The following NBPF14 variants were observed in gnomAD, a reference collection of about 807,000 sequenced individuals.
The protein encoded by NBPF14 is NBPF member 14.
In NBPF14, 104 loss-of-function variants were observed where a neutral mutation model predicts 91.2. That is an observed-to-expected ratio of 1.14 (90% CI 0.97 to 1.34). The LOEUF (loss-of-function observed/expected upper bound fraction) is 1.34. Ranked by LOEUF, NBPF14 falls within the 40% of genes most tolerant of loss-of-function variation. The pLI, the probability that NBPF14 is intolerant of heterozygous loss-of-function variation, is 0.00. For synonymous variants in NBPF14, 294 were observed against 303.8 expected, an observed-to-expected ratio of 0.97 and a Z score of 0.34; for missense variants, 908 against 783.0, an observed-to-expected ratio of 1.16 and a Z score of -1.91.
At chr1:148,534,438 G>A (rs1189898235) in intron 69 of NBPF14, among the ~76,000 whole-genome samples, 1 of 151,724 alleles carries the variant, frequency 6.6e-6, no homozygotes, top group Admixed American at 6.6e-5. Context: ...CAGGTCCAAT[G>A]TCATGAGAAT....
chr1:148,579,285 C>T (rs1660543037), intron 12 of NBPF14, 48 bp from the exon 13 acceptor site: 1 of 247,004 alleles, frequency 4.0e-6, no homozygotes, highest in Non-Finnish European at 7.1e-6. Flanking sequence ...AACCAACAGA[C>T]ATTAGACAAC....
At chr1:148,566,622 G>T (rs1425005651) in intron 28 of NBPF14, among the ~76,000 whole-genome samples, 3 of 140,728 alleles carry the variant, frequency 2.1e-5, no homozygotes, top group African/African-American at 7.7e-5. Flanking sequence ...GACACTCTGA[G>T]TTAGTGCCCT....
In NBPF14 at chr1:148,566,339, G is replaced by C. The variant is rs1184517690; in HGVS notation, c.3543-24C>G. ...GCCTGGAAAAGGAGGAAAAGGTAAA[G>C]AATAAGCCAGGGGAAATCAGACACA... On this transcript the variant is annotated intron_variant, in intron 28 of 70. Transcript: ENST00000619423. 2.0e-5 allele frequency: 15 copies of C among 765,406 alleles called. 2 individuals carry two copies. The highest frequency in any genetic ancestry group is 3.8e-5 in the African/African-American group (2 of 52,166). The allele number at this position is 765,406 out of a possible 1,614,324, so 47.4% of individuals were successfully genotyped here. A position where few individuals can be genotyped will look rare whatever the true frequency, so the allele number is the denominator to read the frequency against.
rs1484884197 is a variant in NBPF14 at position 148,566,477 on chromosome 1, G to C, written c.3543-162C>G. Among the ~76,000 whole-genome samples the C allele has an allele frequency of 3.5e-5, 5 of 141,172 alleles. No individual in the cohort carries two copies. The South Asian group carries it at 1.1e-3, about 32-fold the overall frequency. The allele number at this position is 141,172 out of a possible 152,430, so 92.6% of individuals were successfully genotyped here. On this transcript the variant is annotated intron_variant, in intron 28 of 70. Coordinates refer to ENST00000619423, the Ensembl canonical transcript of NBPF14. ...TGCCTTCATGTTGGGACAGAACAGG[G>C]CCAAATGGAAAAGAATGAAAGAGAA... is the stretch of plus-strand genomic sequence containing the variant.
At chr1:148,534,506 C>G (rs1232743271) in intron 69 of NBPF14, among the ~76,000 whole-genome samples, 178 bp downstream of exon 69, 2 of 151,740 alleles carry the variant, frequency 1.3e-5, no homozygotes, top group South Asian at 4.2e-4. Flanking sequence ...GCTCACTGAC[C>G]CATTTCATGT....
At chr1:148,533,495 G>C (rs1451014835) in intron 70 of NBPF14, among the ~76,000 whole-genome samples, 3 of 151,732 alleles carry the variant, frequency 2.0e-5, no homozygotes, top group South Asian at 4.2e-4. Flanking sequence ...CTAGTGAATT[G>C]GCCAGGTGAC....
At chr1:148,592,808 T>A (rs1444243436) in intron 3 of NBPF14, 42 bp from the exon 4 acceptor site, 1 of 1,345,888 alleles carries the variant, frequency 7.4e-7, no homozygotes, top group Non-Finnish European at 1.0e-6. Flanking sequence ...TAGAAAGGGT[T>A]GAGTGATCCG....
At chr1:148,534,173 C>G (rs1553332049) in intron 69 of NBPF14, among the ~76,000 whole-genome samples, 1 of 149,216 alleles carries the variant, frequency 6.7e-6, no homozygotes, top group South Asian at 2.1e-4. Context: ...TAAAATGTCC[C>G]TATTCTAGTA....
chr1:148,532,746 G>A (rs1183813959), exon 71 of NBPF14: 1 of 294,160 alleles, frequency 3.4e-6, no homozygotes, highest in South Asian at 6.5e-5. Context: ...AGAGATACGT[G>A]GTTCAAATTA....
chr1:148,533,460 G>C (rs1262710634), intron 70 of NBPF14, among the ~76,000 whole-genome samples: 1 of 151,688 alleles, frequency 6.6e-6, no homozygotes. Context: ...GAGAGAGACA[G>C]AGACAGAGAC....
chr1:148,576,116 G>A (rs1457208558), intron 16 of NBPF14, among the ~76,000 whole-genome samples: 4 of 128,038 alleles, frequency 3.1e-5, no homozygotes, highest in African/African-American at 1.0e-4. Context: ...GACACACAGC[G>A]AACAGTGATC....
chr1:148,561,706 A>G, intron 34 of NBPF14, 127 bp from the exon 35 acceptor site: 2 of 371,460 alleles, frequency 5.4e-6, no homozygotes, highest in South Asian at 7.0e-5. Flanking sequence ...TTAATGAGGT[A>G]ACAAATTATT....
At chr1:148,561,807 A>G (rs1657814293) in intron 34 of NBPF14, among the ~76,000 whole-genome samples, 1 of 136,530 alleles carries the variant, frequency 7.3e-6, no homozygotes, top group African/African-American at 3.5e-5. Context: ...ACACAAACAC[A>G]CACACACACA....
At chr1:148,566,575 G>T (rs1430690131) in intron 28 of NBPF14, among the ~76,000 whole-genome samples, 2 of 143,372 alleles carry the variant, frequency 1.4e-5, no homozygotes, top group Non-Finnish European at 3.1e-5. Context: ...CGAGCTCAGT[G>T]AATTGTCCAG....
intron 49 of NBPF14, among the ~76,000 whole-genome samples, chr1:148,550,046 G>T (rs1266645526): frequency 4.7e-5 from 7 of 148,554 alleles, no homozygotes; most frequent in Non-Finnish European, 7.4e-5. Context: ...TGAAATTAGA[G>T]TGAAGGATGA....
intron 68 of NBPF14, 125 bp downstream of exon 68, chr1:148,535,328 C>T (rs1244651859): frequency 1.7e-6 from 1 of 599,872 alleles, no homozygotes; most frequent in East Asian, 2.9e-5. Flanking sequence ...AAACCAACAG[C>T]AATGTCAGTA....
At chr1:148,578,147 A>C (rs1385058002) in intron 13 of NBPF14, 113 bp from the exon 14 acceptor site, 1 of 745,238 alleles carries the variant, frequency 1.3e-6, no homozygotes, top group South Asian at 1.4e-5. Context: ...TGAGAACAGG[A>C]GACTTTGAGA....
chr1:148,533,902 T>A (rs1411292743), exon 70 of NBPF14: 5 of 756,090 alleles, frequency 6.6e-6, no homozygotes, highest in South Asian at 5.4e-5. Context: ...CTTCTTTTCT[T>A]CCCCTTCTTC....
rs1168341367 is a variant in NBPF14 at position 148,579,192 on chromosome 1, C to T, written c.1683G>A (p.Trp561Ter). The change falls in exon 13 of 71, where the codon TGG becomes TGA. Residue 561 changes from tryptophan (W) to a stop codon, truncating the protein, a stop_gained. Transcript: ENST00000619423. LOFTEE classifies it high-confidence loss of function. ...TTGAGAGAGTCGAATAACCTTCATC[C>T]CAGGACTCCTGGGGGACTTCCTCCT... The T allele has an allele frequency of 1.6e-4, 68 of 421,130 alleles. No individual in the cohort carries two copies. The highest frequency in any genetic ancestry group is 2.5e-4 in the Non-Finnish European group (63 of 247,062). The allele number at this position is 421,130 out of a possible 1,614,324, so 26.1% of individuals were successfully genotyped here. A position where few individuals can be genotyped will look rare whatever the true frequency, so the allele number is the denominator to read the frequency against.
Sources: gnomAD v4.1 joint callset for allele counts (sites outside exome capture counted in the v4.1 genomes callset) on GRCh38, gnomAD v4.1.1 for gene constraint, MANE v1.5 for transcripts, NCBI Gene and HGNC (gene_info 2026-07-23, HGNC 2026-07-21) for gene names.